The following PDLIM3 variants were observed in gnomAD, a reference collection of about 807,000 sequenced individuals.
The protein encoded by PDLIM3 is PDZ and LIM domain protein 3.
A neutral mutation model predicts 37.3 loss-of-function variants in PDLIM3; 36 were observed. The ratio of observed to expected loss-of-function variants is 0.97; its 90% CI spans 0.74 to 1.28. The LOEUF (loss-of-function observed/expected upper bound fraction) is 1.28. Among genes scored for constraint, PDLIM3 ranks in the 50% most tolerant of loss-of-function variants. The probability of loss-of-function intolerance (pLI) is 0.00; values close to 1 mark genes in which losing one functional copy is unlikely to be tolerated. For synonymous variants in PDLIM3, 174 were observed against 182.4 expected (o/e 0.95, Z 0.37); for missense variants, 454 against 485.0 (o/e 0.94, Z 0.60).
Position 185,506,549 on chromosome 4 carries a change from G to A in PDLIM3, c.766C>T (p.Leu256Phe). ...GAGCCATCGTCCACCATTCCCTGGA[G>A]CACTCTGAAGGAGCCCGACTGGCGA... ...QPRQSGSFRV[L>F]QGMVDDGSDD... The change falls in exon 6 of 8, where the codon CTC becomes TTC. Residue 256 changes from leucine to phenylalanine, a missense_variant. Physicochemically the swap from Leu to Phe is conservative, Grantham distance 22 (BLOSUM62 0). Coordinates refer to ENST00000284767, the MANE Select transcript of PDLIM3 (RefSeq NM_014476.6). The A allele has an allele frequency of 1.2e-6, 2 of 1,613,716 alleles. No homozygotes were observed. The highest frequency in any genetic ancestry group is 1.1e-5 in the South Asian group (1 of 91,080).
chr4:185,506,705 G>C, intron 5 of PDLIM3, 53 bp from the exon 6 acceptor site: 14 of 1,575,906 alleles, frequency 8.9e-6, no homozygotes, highest in Non-Finnish European at 1.2e-5. Context: ...GGCACCAGAC[G>C]TGCAAGAGGC....
intron 2 of PDLIM3, among the ~76,000 whole-genome samples, chr4:185,524,574 A>G (rs1213640380): frequency 1.3e-5 from 2 of 152,190 alleles, no homozygotes; most frequent in Non-Finnish European, 2.9e-5. Flanking sequence ...CAAAACAGCC[A>G]ATGGCAGACA....
At position 185,502,283 on chromosome 4, in the gene PDLIM3, C is replaced by T. The variant is rs1436658897; in HGVS notation, c.*11G>A. 2.0e-5 allele frequency: 33 copies of T among 1,613,944 alleles called. No individual in the cohort carries two copies. Among genetic ancestry groups the T allele is most frequent in the Non-Finnish European group, 2.8e-5 (33 of 1,179,952 alleles). On this transcript the variant is annotated 3_prime_UTR_variant, in exon 8 of 8. Coordinates refer to ENST00000284767, the MANE Select transcript of PDLIM3 (RefSeq NM_014476.6). ...GGTGGGTGCGTGCGTGCGTGCCACG[C>T]CTGCAGAGACTTAAGCTTTGGGATA...
Position 185,502,167 on chromosome 4 carries a change from G to A in PDLIM3, c.*127C>T. Reference sequence around the variant, plus strand: ...TTTCCTCAATAAACAATAGGATAAAGGTCTAAAGCCTTGACTTTAGATTTG... The same window carrying A: ...TTTCCTCAATAAACAATAGGATAAAAGTCTAAAGCCTTGACTTTAGATTTG... On this transcript the variant is annotated 3_prime_UTR_variant, in exon 8 of 8. Coordinates refer to ENST00000284767, the MANE Select transcript of PDLIM3 (RefSeq NM_014476.6). The A allele has an allele frequency of 1.0e-6, 1 of 956,328 alleles. No individual in the cohort carries two copies. The highest frequency in any genetic ancestry group is 1.7e-6 in the Non-Finnish European group (1 of 595,786). 59.2% of individuals were successfully genotyped at this position (956,328 alleles called of 1,614,324 possible). A position where few individuals can be genotyped will look rare whatever the true frequency, so the allele number is the denominator to read the frequency against.
chr4:185,533,857 T>C (rs1313943960), intron 1 of PDLIM3, among the ~76,000 whole-genome samples: 2 of 152,186 alleles, frequency 1.3e-5, no homozygotes, highest in Non-Finnish European at 2.9e-5. Context: ...GTGACAAAAT[T>C]ATTTTGGTTA....
intron 7 of PDLIM3, among the ~76,000 whole-genome samples, chr4:185,502,994 A>G (rs533268848): frequency 2.4e-4 from 36 of 152,192 alleles, no homozygotes; most frequent in East Asian, 7.8e-4. Context: ...TTGAGAGGCC[A>G]AGGCGGGCAG....
At chr4:185,517,407 G>A (rs1250379653) in intron 3 of PDLIM3, 1 of 100,734 alleles carries the variant, frequency 9.9e-6, no homozygotes, top group African/African-American at 3.8e-5. Context: ...TAAAGTCTTT[G>A]TAAATAGAAT....
chr4:185,535,474 C>T lies in PDLIM3; in HGVS notation c.-40G>A, dbSNP rs776764045. On this transcript the variant is annotated 5_prime_UTR_variant, in exon 1 of 8. Transcript: ENST00000284767. Reference sequence around the variant, plus strand: ...GCCCACCGGGCTCTAAGTGTCCCCGCGCAGGGCAGCCACTCCGCGCCGGGC... The same window carrying T: ...GCCCACCGGGCTCTAAGTGTCCCCGTGCAGGGCAGCCACTCCGCGCCGGGC... 3.9e-6 allele frequency: 6 copies of T among 1,520,542 alleles called. No individual in the cohort carries two copies. Among genetic ancestry groups the T allele is most frequent in the Admixed American group, 2.0e-5 (1 of 50,770 alleles). The allele number at this position is 1,520,542 out of a possible 1,614,324, so 94.2% of individuals were successfully genotyped here.
At chr4:185,529,436 G>A (rs1453505078) in intron 1 of PDLIM3, among the ~76,000 whole-genome samples, 1 of 152,158 alleles carries the variant, frequency 6.6e-6, no homozygotes, top group Non-Finnish European at 1.5e-5. Flanking sequence ...TAATAAAAAC[G>A]ACTGAAATAG....
intron 1 of PDLIM3, among the ~76,000 whole-genome samples, chr4:185,525,879 T>G (rs1306141174): frequency 6.6e-6 from 1 of 152,234 alleles, no homozygotes; most frequent in Non-Finnish European, 1.5e-5. Context: ...TATCCTAACC[T>G]TGGATTTCCG....
intron 1 of PDLIM3, 138 bp from the exon 2 acceptor site, chr4:185,525,309 C>A: frequency 1.2e-6 from 1 of 859,280 alleles, no homozygotes. Flanking sequence ...CTAAAGATAA[C>A]TCTTAGTTGG....
At chr4:185,523,858 T>A (rs1342932358) in intron 2 of PDLIM3, among the ~76,000 whole-genome samples, 1 of 151,800 alleles carries the variant, frequency 6.6e-6, no homozygotes, top group Non-Finnish European at 1.5e-5. Context: ...CCTCAAGTGA[T>A]CCGCCCAGTT....
intron 1 of PDLIM3, among the ~76,000 whole-genome samples, chr4:185,529,379 G>T (rs1307963076): frequency 6.6e-6 from 1 of 152,178 alleles, no homozygotes; most frequent in Non-Finnish European, 1.5e-5. Context: ...TATTTATGTG[G>T]AGACGTAAGG....
rs74998917 is a variant in PDLIM3, at chr4:185,512,549, A to T, written c.398+1721T>A. 7.5e-3 allele frequency: 3,755 copies of T among 503,524 alleles called. 136 individuals are homozygous for T. Among genetic ancestry groups the T allele is most frequent in the African/African-American group, 0.073 (3,517 of 47,946 alleles). The allele number at this position is 503,524 out of a possible 1,614,324, so 31.2% of individuals were successfully genotyped here. A position where few individuals can be genotyped will look rare whatever the true frequency, so the allele number is the denominator to read the frequency against. On this transcript the variant is annotated intron_variant, in intron 4 of 7. Coordinates refer to ENST00000284767, the MANE Select transcript of PDLIM3 (RefSeq NM_014476.6). The stretch of plus-strand genomic sequence containing the variant: ...TCCCTATGTTTAAGTTAAAATGAAA[A>T]ATTTTTTTAAAAGGTGATTATATAC...
At chr4:185,503,626 T>A (rs1344236845) in intron 7 of PDLIM3, among the ~76,000 whole-genome samples, 2 of 152,192 alleles carry the variant, frequency 1.3e-5, no homozygotes, top group African/African-American at 4.8e-5. Flanking sequence ...GTTGACTTGA[T>A]CCTGCACTAG....
rs765343156 is a variant in PDLIM3 at position 185,508,196 on chromosome 4, C to T, written c.662+103G>A. 1.7e-5 allele frequency: 20 copies of T among 1,157,148 alleles called. No homozygotes were observed. In the Middle Eastern group the frequency reaches 9.6e-4, roughly 56 times the overall value. The allele number at this position is 1,157,148 out of a possible 1,614,324, so 71.7% of individuals were successfully genotyped here. A position where few individuals can be genotyped will look rare whatever the true frequency, so the allele number is the denominator to read the frequency against. On this transcript the variant is annotated intron_variant, in intron 5 of 7. Transcript: ENST00000284767. ...CTTAGTATTTTAAAAAAGCTTTTCA[C>T]ATAGCTTTCTTTCCATTAAGACAAT...
chr4:185,508,405 C>A lies in PDLIM3; in HGVS notation c.556G>T (p.Val186Leu). 6.2e-7 allele frequency: 1 copy of A among 1,614,144 alleles called. No homozygotes were observed. The highest frequency in any genetic ancestry group is 8.5e-7 in the Non-Finnish European group (1 of 1,180,026). ...ATAGGTGTATTAAACTGAGCATGTA[C>A]AATCTTCACACCAGGAAGTTCCATT... ...LEMELPGVKI[V>L]HAQFNTPMQL... The change falls in exon 5 of 8, where the codon GTA (valine) becomes TTA (leucine). Residue 186 changes from valine (V) to leucine (L), a missense_variant. By Grantham distance (32) the Val-to-Leu change is conservative (BLOSUM62 1). Transcript: ENST00000284767.
At chr4:185,503,777 C>T (rs1029529204) in intron 7 of PDLIM3, among the ~76,000 whole-genome samples, 4 of 152,108 alleles carry the variant, frequency 2.6e-5, no homozygotes, top group East Asian at 3.9e-4. Flanking sequence ...GTGAAACCCC[C>T]TCTCTACCAA....
chr4:185,502,233 A>C lies in PDLIM3; in HGVS notation c.*61T>G. 6.6e-7 allele frequency: 1 copy of C among 1,518,588 alleles called. No individual in the cohort carries two copies. The highest frequency in any genetic ancestry group is 1.1e-5 in the South Asian group (1 of 89,132). 94.1% of individuals were successfully genotyped at this position (1,518,588 alleles called of 1,614,324 possible). On this transcript the variant is annotated 3_prime_UTR_variant, in exon 8 of 8. Transcript: ENST00000284767. Reference sequence around the variant, plus strand: ...ACAATCCTTCTGCCCAAAGCCATGAATGTCTTCTCGTGTAAGTGCGCGTGG... The same window carrying C: ...ACAATCCTTCTGCCCAAAGCCATGACTGTCTTCTCGTGTAAGTGCGCGTGG...
Sources: allele counts gnomAD v4.1 joint callset (sites outside exome capture counted in the v4.1 genomes callset), GRCh38; gene constraint gnomAD v4.1.1; transcripts MANE v1.5; gene names NCBI Gene and HGNC (gene_info 2026-07-23, HGNC 2026-07-21).